Variants in BNC2 observed in about 807,000 individuals in gnomAD.
BNC2 encodes the protein zinc finger protein basonuclin-2.
BNC2 carries 20 observed loss-of-function variants against 76.3 expected under a neutral mutation model. That is an observed-to-expected ratio of 0.26 (90% CI 0.18 to 0.38). BNC2 has a LOEUF of 0.38. Ranked by LOEUF, BNC2 falls within the 10% of genes least tolerant of loss-of-function variation. The pLI is 1.00. For synonymous variants in BNC2, 582 were observed against 514.8 expected, an observed-to-expected ratio of 1.13 and a Z score of -1.77; for missense variants, 1,382 against 1,399.8, an observed-to-expected ratio of 0.99 and a Z score of 0.20.
intron 2 of BNC2, among the ~76,000 whole-genome samples, chr9:16,736,500 G>C (rs73419968): frequency 0.47 from 69,010 of 146,534 alleles, 19,910 homozygotes; most frequent in East Asian, 0.89. Context: ...TTTTGAGACA[G>C]AGTCTTGCTC....
At chr9:16,437,660 G>T in intron 5 of BNC2, 136 bp from the exon 6 acceptor site, 1 of 1,040,390 alleles carries the variant, frequency 9.6e-7, no homozygotes, top group Non-Finnish European at 1.4e-6. Context: ...TGCAAGCACT[G>T]TTAATAAAAG....
At chr9:16,542,852 T>C (rs145260190) in intron 5 of BNC2, among the ~76,000 whole-genome samples, 2,636 of 152,276 alleles carry the variant, frequency 0.017, 44 homozygotes, top group Non-Finnish European at 0.031. Context: ...CCCACACAGA[T>C]CCTTATCTCA....
intron 1 of BNC2, among the ~76,000 whole-genome samples, chr9:16,812,815 C>A (rs1201342910): frequency 1.3e-5 from 2 of 152,074 alleles, no homozygotes; most frequent in African/African-American, 4.8e-5. Flanking sequence ...AATAAAACTG[C>A]TAATTAACAG....
intron 6 of BNC2, among the ~76,000 whole-genome samples, chr9:16,430,958 G>A (rs775057170): frequency 6.6e-6 from 1 of 152,062 alleles, no homozygotes; most frequent in African/African-American, 2.4e-5. Context: ...TATTCATATG[G>A]CTAAATCATC....
rs537244821 is a variant in BNC2 at position 16,775,388 on chromosome 9, T to C, written c.4-36903A>G. On this transcript the variant is annotated intron_variant, in intron 1 of 6. Transcript: ENST00000380672. ...ATACCACTGTTTCCTTAAACACTGA[T>C]TTCGTTATTAAAAAAAAAAAAACTC... Among the ~76,000 whole-genome samples, 9 of 83,414 alleles carry C rather than the reference T, an allele frequency of 1.1e-4. No homozygotes were observed. In the East Asian group the frequency reaches 2.9e-3, roughly 27 times the overall value. The allele number at this position is 83,414 out of a possible 152,430, so 54.7% of individuals were successfully genotyped here.
intron 1 of BNC2, among the ~76,000 whole-genome samples, chr9:16,812,047 T>A (rs1818068193): frequency 6.6e-6 from 1 of 152,136 alleles, no homozygotes; most frequent in South Asian, 2.1e-4. Flanking sequence ...GCTTCCAGAG[T>A]TCTGCTGATC....
At chr9:16,837,279 G>A (rs916774135) in intron 1 of BNC2, among the ~76,000 whole-genome samples, 3 of 152,222 alleles carry the variant, frequency 2.0e-5, no homozygotes, top group African/African-American at 4.8e-5. Context: ...GCCAAGGCAG[G>A]TGGATCACCA....
At chr9:16,842,628 T>C (rs986111224) in intron 1 of BNC2, among the ~76,000 whole-genome samples, 1 of 152,162 alleles carries the variant, frequency 6.6e-6, no homozygotes, top group Non-Finnish European at 1.5e-5. Flanking sequence ...GTGAATTTTA[T>C]CTCCATTTTA....
intron 3 of BNC2, among the ~76,000 whole-genome samples, chr9:16,591,899 T>C (rs536318452): frequency 6.6e-6 from 1 of 152,272 alleles, no homozygotes; most frequent in Admixed American, 6.5e-5. Context: ...AGCAAGCTGG[T>C]AAAAAATGAT....
intron 3 of BNC2, among the ~76,000 whole-genome samples, chr9:16,606,680 C>T (rs1239778128): frequency 6.6e-6 from 1 of 152,124 alleles, no homozygotes; most frequent in Non-Finnish European, 1.5e-5. Flanking sequence ...GCCTCAGCCT[C>T]CCGAGTAGCT....
intron 3 of BNC2, among the ~76,000 whole-genome samples, chr9:16,675,857 T>C (rs1343841385): frequency 1.3e-5 from 2 of 152,166 alleles, no homozygotes; most frequent in Admixed American, 1.3e-4. Context: ...GAGACCAGCC[T>C]GGCCAACATG....
At chr9:16,655,680 C>T (rs1170528650) in intron 3 of BNC2, among the ~76,000 whole-genome samples, 1 of 152,224 alleles carries the variant, frequency 6.6e-6, no homozygotes, top group African/African-American at 2.4e-5. Context: ...ACTTCCCTCA[C>T]GTGCCTATTA....
chr9:16,479,614 T>C lies in BNC2; in HGVS notation c.670-42090A>G, dbSNP rs137945693. Among the ~76,000 whole-genome samples, 131 of 152,332 alleles carry C rather than the reference T, an allele frequency of 8.6e-4. No individual in the cohort carries two copies. The East Asian group carries it at 0.023, about 27-fold the overall frequency. The stretch of plus-strand genomic sequence containing the variant: ...TTACATTTGCTTGTAAGAGTCTTTT[T>C]TATGTATCATTGATCAGCATAACAG... On this transcript the variant is annotated intron_variant, in intron 5 of 6. Transcript: ENST00000380672.
intron 3 of BNC2, among the ~76,000 whole-genome samples, chr9:16,713,933 G>A (rs1823924438): frequency 1.3e-5 from 2 of 152,230 alleles, no homozygotes; most frequent in South Asian, 4.2e-4. Context: ...AAATCACCTA[G>A]GCATGGTGGC....
At chr9:16,488,114 G>A (rs1202685994) in intron 5 of BNC2, among the ~76,000 whole-genome samples, 4 of 152,158 alleles carry the variant, frequency 2.6e-5, no homozygotes, top group South Asian at 2.1e-4. Context: ...GTTTCCCCTC[G>A]CCTTATATGG....
At chr9:16,605,490 CT>C (rs1820359032) in intron 3 of BNC2, among the ~76,000 whole-genome samples, 1 of 152,228 alleles carries the variant, frequency 6.6e-6, no homozygotes, top group African/African-American at 2.4e-5. Context: ...TCACTACCTA[CT>C]CTCTAAACCA....
intron 2 of BNC2, among the ~76,000 whole-genome samples, chr9:16,728,852 C>G (rs1401380989): frequency 6.6e-6 from 1 of 151,646 alleles, no homozygotes; most frequent in African/African-American, 2.4e-5. Flanking sequence ...TAATGAGAAA[C>G]TGAATGGCAA....
intron 5 of BNC2, among the ~76,000 whole-genome samples, chr9:16,485,278 T>G (rs376037695): frequency 3.3e-5 from 5 of 152,192 alleles, no homozygotes; most frequent in African/African-American, 1.2e-4. Flanking sequence ...CTTTCACAGT[T>G]GGGTACATGA....
At chr9:16,808,750 G>C (rs905613600) in intron 1 of BNC2, among the ~76,000 whole-genome samples, 1 of 151,444 alleles carries the variant, frequency 6.6e-6, no homozygotes, top group Non-Finnish European at 1.5e-5. Context: ...AAAAAAATAA[G>C]AGTAGCTACA....
Sources: gnomAD v4.1 joint callset for allele counts (sites outside exome capture counted in the v4.1 genomes callset) on GRCh38, gnomAD v4.1.1 for gene constraint, MANE v1.5 for transcripts, NCBI Gene and HGNC (gene_info 2026-07-23, HGNC 2026-07-21) for gene names.